The following DCAF1 variants were observed in gnomAD, a reference collection of about 807,000 sequenced individuals.
The protein encoded by DCAF1 is DDB1 and CUL4 associated factor 1.
In DCAF1, 15 loss-of-function variants were observed where a neutral mutation model predicts 128.0. The observed-to-expected ratio is 0.12, with a 90% CI of 0.08 to 0.18. The LOEUF is 0.18. Among genes scored for constraint, DCAF1 ranks in the 10% least tolerant of loss-of-function variants. The pLI is 1.00. For synonymous variants in DCAF1, 610 were observed against 603.0 expected, an observed-to-expected ratio of 1.01 and a Z score of -0.17; for missense variants, 988 against 1,649.5, an observed-to-expected ratio of 0.60 and a Z score of 6.95.
chr3:51,403,949 C>T (rs1470069312), intron 23 of DCAF1, among the ~76,000 whole-genome samples: 2 of 152,216 alleles, frequency 1.3e-5, no homozygotes, highest in African/African-American at 4.8e-5. Context: ...ATATAGAACA[C>T]TAACAGAAAC....
chr3:51,427,795 G>GC (rs371754550), intron 12 of DCAF1, among the ~76,000 whole-genome samples: 242 of 151,698 alleles, frequency 1.6e-3, no homozygotes, highest in African/African-American at 5.4e-3. Context: ...ACCACACCCA[G>GC]CTAATTATTT....
intron 9 of DCAF1, among the ~76,000 whole-genome samples, chr3:51,436,091 T>C (rs898220882): frequency 4.9e-4 from 75 of 152,188 alleles, no homozygotes; most frequent in African/African-American, 1.7e-3. Flanking sequence ...AAGACGTTGA[T>C]AAAGAACCTT....
At chr3:51,401,005 G>A (rs1402937173) in intron 24 of DCAF1, among the ~76,000 whole-genome samples, 9 of 151,884 alleles carry the variant, frequency 5.9e-5, no homozygotes, top group South Asian at 2.1e-4. Flanking sequence ...GGTGGCGGGC[G>A]CCTGTAGTCC....
chr3:51,478,564 AT>A (rs1705767480), intron 3 of DCAF1, among the ~76,000 whole-genome samples: 1 of 138,666 alleles, frequency 7.2e-6, no homozygotes, highest in Admixed American at 1.0e-4. Context: ...AATTATACAC[AT>A]GTTAACAGCA....
At chr3:51,477,397 G>C (rs1224217590) in intron 3 of DCAF1, among the ~76,000 whole-genome samples, 1 of 149,548 alleles carries the variant, frequency 6.7e-6, no homozygotes, top group Non-Finnish European at 1.5e-5. Flanking sequence ...AAGGAGGGAA[G>C]TTACCCCTGA....
At chr3:51,407,439 ACT>A (rs1192222315) in intron 23 of DCAF1, among the ~76,000 whole-genome samples, 1 of 152,004 alleles carries the variant, frequency 6.6e-6, no homozygotes, top group African/African-American at 2.4e-5. Flanking sequence ...ATCAGTAAAG[ACT>A]CTTAACATCC....
At chr3:51,424,605 T>C (rs1196867700) in intron 13 of DCAF1, among the ~76,000 whole-genome samples, 1 of 152,148 alleles carries the variant, frequency 6.6e-6, no homozygotes, top group South Asian at 2.1e-4. Context: ...ATTTATTTAA[T>C]AGCCAAAAAA....
At chr3:51,455,089 G>C (rs1199254864) in intron 6 of DCAF1, among the ~76,000 whole-genome samples, 1 of 151,928 alleles carries the variant, frequency 6.6e-6, no homozygotes, top group African/African-American at 2.4e-5. Flanking sequence ...ATTTTTGTTT[G>C]CCCACCCCCA....
chr3:51,490,417 C>A (rs868984618), intron 2 of DCAF1, among the ~76,000 whole-genome samples: 1 of 151,964 alleles, frequency 6.6e-6, no homozygotes, highest in Non-Finnish European at 1.5e-5. Flanking sequence ...GAAGACATAG[C>A]GGGACCCTGT....
chr3:51,405,188 A>T (rs1260963161), intron 23 of DCAF1, among the ~76,000 whole-genome samples: 2 of 152,216 alleles, frequency 1.3e-5, no homozygotes, highest in Non-Finnish European at 2.9e-5. Context: ...TAGCACAACT[A>T]AAGGTCCACG....
chr3:51,403,043 C>T, intron 24 of DCAF1, 100 bp downstream of exon 24: 4 of 1,488,534 alleles, frequency 2.7e-6, no homozygotes, highest in Non-Finnish European at 3.6e-6. Flanking sequence ...TTATGGGGCA[C>T]AGAACCGTGG....
intron 6 of DCAF1, among the ~76,000 whole-genome samples, chr3:51,458,226 A>G (rs1313289860): frequency 6.6e-6 from 1 of 152,214 alleles, no homozygotes; most frequent in Admixed American, 6.5e-5. Context: ...AAGATCTACC[A>G]AGCAAATGGA....
chr3:51,428,828 T>A (rs1478394458), intron 12 of DCAF1, among the ~76,000 whole-genome samples: 1 of 151,800 alleles, frequency 6.6e-6, no homozygotes, highest in East Asian at 1.9e-4. Flanking sequence ...GACCCCCATC[T>A]CCACAAAAAA....
At chr3:51,449,242 T>C (rs1198348820) in intron 6 of DCAF1, among the ~76,000 whole-genome samples, 8 of 152,200 alleles carry the variant, frequency 5.3e-5, no homozygotes, top group Non-Finnish European at 1.2e-4. Flanking sequence ...AGTTTTGGTC[T>C]TGTTGCCCAG....
At chr3:51,423,692 A>T (rs1699639520) in intron 13 of DCAF1, among the ~76,000 whole-genome samples, 1 of 150,870 alleles carries the variant, frequency 6.6e-6, no homozygotes, top group Non-Finnish European at 1.5e-5. Flanking sequence ...GGTGGTGGGC[A>T]TCTGTAATCC....
chr3:51,404,835 T>G (rs1419004343), intron 23 of DCAF1, among the ~76,000 whole-genome samples: 4 of 151,886 alleles, frequency 2.6e-5, no homozygotes, highest in Non-Finnish European at 4.4e-5. Context: ...CAGAGGTGAG[T>G]GGATAAATAA....
At chr3:51,402,722 G>A (rs1410283735) in intron 24 of DCAF1, among the ~76,000 whole-genome samples, 1 of 152,070 alleles carries the variant, frequency 6.6e-6, no homozygotes, top group South Asian at 2.1e-4. Flanking sequence ...TTATAGGCAT[G>A]TGCCACCACG....
At chr3:51,481,840 A>T (rs1706237804) in intron 3 of DCAF1, among the ~76,000 whole-genome samples, 1 of 151,978 alleles carries the variant, frequency 6.6e-6, no homozygotes, top group South Asian at 2.1e-4. Flanking sequence ...AAAATACAAA[A>T]ATTAGCCAGC....
intron 3 of DCAF1, among the ~76,000 whole-genome samples, chr3:51,481,710 G>A (rs1304182950): frequency 1.3e-5 from 2 of 151,980 alleles, no homozygotes; most frequent in East Asian, 3.9e-4. Context: ...GGTAAAATAT[G>A]CCGGGCACAG....
Sources: allele counts gnomAD v4.1 joint callset (sites outside exome capture counted in the v4.1 genomes callset), GRCh38; gene constraint gnomAD v4.1.1; transcripts MANE v1.5; gene names NCBI Gene and HGNC (gene_info 2026-07-23, HGNC 2026-07-21).